TOP6BL: variants seen among roughly 807,000 people sequenced by gnomAD.
TOP6BL encodes the protein TOP6B like initiator of meiotic double strand breaks, also known as type 2 DNA topoisomerase 6 subunit B-like.
chr11:66,838,839 C>T, the TOP6BL span, among the ~76,000 whole-genome samples: 1 of 152,182 alleles, frequency 6.6e-6, no homozygotes, highest in Admixed American at 6.5e-5. Flanking sequence ...TCACACCATT[C>T]TCCTGCCTCA....
the TOP6BL span, chr11:66,842,939 G>A: frequency 6.4e-7 from 1 of 1,557,758 alleles, no homozygotes; most frequent in Non-Finnish European, 8.7e-7. Flanking sequence ...AGGGCCCCGA[G>A]CCCGTCAGAG....
the TOP6BL span, among the ~76,000 whole-genome samples, chr11:66,753,438 A>C: frequency 3.7e-5 from 5 of 133,986 alleles, no homozygotes; most frequent in Admixed American, 1.6e-4. Flanking sequence ...ACAGAGTCTC[A>C]CTCTGTCACC....
the TOP6BL span, among the ~76,000 whole-genome samples, chr11:66,810,885 GTC>G: frequency 3.2e-5 from 4 of 124,830 alleles, no homozygotes; most frequent in African/African-American, 7.5e-5. Flanking sequence ...AAGTCTTGAA[GTC>G]TCTCCCTTCA....
chr11:66,814,924 TG>T, the TOP6BL span, among the ~76,000 whole-genome samples: 8 of 152,158 alleles, frequency 5.3e-5, no homozygotes, highest in Non-Finnish European at 4.4e-5. Flanking sequence ...CTAATAAAAC[TG>T]GGAAATTGGA....
At chr11:66,789,458 T>TA in the TOP6BL span, among the ~76,000 whole-genome samples, 1 of 152,200 alleles carries the variant, frequency 6.6e-6, no homozygotes, top group Non-Finnish European at 1.5e-5. Flanking sequence ...TTTGAATAAT[T>TA]ATATGCTCAT....
the TOP6BL span, chr11:66,800,632 G>A: frequency 6.3e-7 from 1 of 1,590,556 alleles, no homozygotes; most frequent in African/African-American, 1.3e-5. Context: ...TTAACTTATT[G>A]TTTTGCAGGT....
At chr11:66,840,124 G>A in the TOP6BL span, among the ~76,000 whole-genome samples, 3 of 152,122 alleles carry the variant, frequency 2.0e-5, no homozygotes, top group Non-Finnish European at 4.4e-5. Flanking sequence ...TCCATTCTAC[G>A]CCTCACATGG....
At chr11:66,777,798 G>C in the TOP6BL span, among the ~76,000 whole-genome samples, 1 of 152,004 alleles carries the variant, frequency 6.6e-6, no homozygotes, top group Admixed American at 6.6e-5. Context: ...CTTGAATCCG[G>C]GAGGTGGAGG....
chr11:66,843,420 A>C, the TOP6BL span: 1 of 1,402,008 alleles, frequency 7.1e-7, no homozygotes, highest in Non-Finnish European at 9.2e-7. Flanking sequence ...CCTCCCTGGG[A>C]CTGCGTCACT....
At chr11:66,823,069 T>A in the TOP6BL span, among the ~76,000 whole-genome samples, 1 of 147,370 alleles carries the variant, frequency 6.8e-6, no homozygotes, top group Non-Finnish European at 1.5e-5. Flanking sequence ...CCAAGGCGGG[T>A]GGATGACCTG....
At chr11:66,836,700 A>ATTTT in the TOP6BL span, among the ~76,000 whole-genome samples, 2 of 107,650 alleles carry the variant, frequency 1.9e-5, no homozygotes, top group African/African-American at 3.6e-5. Flanking sequence ...AGAAAATATG[A>ATTTT]TTTTTTTTTT....
chr11:66,771,851 A>T, the TOP6BL span, among the ~76,000 whole-genome samples: 1 of 152,226 alleles, frequency 6.6e-6, no homozygotes, highest in Non-Finnish European at 1.5e-5. Context: ...AGCAAGAGAC[A>T]GATGGGTGGG....
the TOP6BL span, among the ~76,000 whole-genome samples, chr11:66,813,607 C>T: frequency 2.6e-5 from 4 of 152,250 alleles, no homozygotes; most frequent in African/African-American, 9.6e-5. Context: ...GTGGCATGCA[C>T]CTGTAATCCC....
chr11:66,780,770 CAG>C, the TOP6BL span, among the ~76,000 whole-genome samples: 1 of 151,938 alleles, frequency 6.6e-6, no homozygotes, highest in Admixed American at 6.6e-5. Flanking sequence ...TTAGTAGAGA[CAG>C]GGTTTTTCCA....
At chr11:66,768,209 A>G in the TOP6BL span, among the ~76,000 whole-genome samples, 1 of 152,066 alleles carries the variant, frequency 6.6e-6, no homozygotes. Flanking sequence ...AACATTGAGT[A>G]AGAAACTCAC....
chr11:66,811,150 C>G, the TOP6BL span, among the ~76,000 whole-genome samples: 1 of 151,446 alleles, frequency 6.6e-6, no homozygotes, highest in Non-Finnish European at 1.5e-5. Flanking sequence ...ACATATCTTG[C>G]TATCATTTTC....
chr11:66,756,239 T>A, the TOP6BL span: 1 of 978,726 alleles, frequency 1.0e-6, no homozygotes, highest in East Asian at 1.1e-4. Flanking sequence ...AAATAAGTTT[T>A]TAAACTATAG....
At chr11:66,817,729 A>G in the TOP6BL span, among the ~76,000 whole-genome samples, 1 of 151,838 alleles carries the variant, frequency 6.6e-6, no homozygotes, top group Non-Finnish European at 1.5e-5. Context: ...GAGCCACCAC[A>G]CCAGGCCATT....
the TOP6BL span, among the ~76,000 whole-genome samples, chr11:66,773,746 C>G: frequency 2.6e-5 from 4 of 151,664 alleles, no homozygotes; most frequent in Non-Finnish European, 5.9e-5. Context: ...TTTCTTTTTT[C>G]TTTTTTTTGA....
Sources: allele counts gnomAD v4.1 joint callset (sites outside exome capture counted in the v4.1 genomes callset), GRCh38; gene constraint gnomAD v4.1.1; transcripts MANE v1.5; gene names NCBI Gene and HGNC (gene_info 2026-07-23, HGNC 2026-07-21).